KIAA1671: variants seen among roughly 807,000 people sequenced by gnomAD.
The protein encoded by KIAA1671 is uncharacterized protein KIAA1671.
KIAA1671 carries 52 observed loss-of-function variants against 131.2 expected under a neutral mutation model. The ratio of observed to expected loss-of-function variants is 0.40; its 90% CI spans 0.32 to 0.50. The LOEUF (loss-of-function observed/expected upper bound fraction) is 0.50. Ranked by LOEUF, KIAA1671 falls within the 20% of genes least tolerant of loss-of-function variation. The pLI, the probability that KIAA1671 is intolerant of heterozygous loss-of-function variation, is 0.73. For missense variants in KIAA1671, 2,360 were observed against 2,364.2 expected, an observed-to-expected ratio of 1.00 and a Z score of 0.04; for synonymous variants, 1,003 against 961.6, an observed-to-expected ratio of 1.04 and a Z score of -0.80.
intron 6 of KIAA1671, among the ~76,000 whole-genome samples, chr22:25,093,768 G>GTCTCTCTCTCTCTCTCTCTCTCTC (rs71191028): frequency 1.6e-5 from 1 of 60,708 alleles, no homozygotes; most frequent in Non-Finnish European, 2.9e-5. Context: ...CTCTCTCTCT[G>GTCTCTCTCTCTCTCTCTCTCTCTC]TCTCTCTCTC....
chr22:25,169,277 G>A (rs1933759453), intron 6 of KIAA1671, among the ~76,000 whole-genome samples: 1 of 151,918 alleles, frequency 6.6e-6, no homozygotes, highest in African/African-American at 2.4e-5. Context: ...TAAATAGCTG[G>A]GTGTGGTAGT....
intron 1 of KIAA1671, among the ~76,000 whole-genome samples, chr22:24,953,499 CT>C (rs1382088892): frequency 6.6e-6 from 1 of 152,052 alleles, no homozygotes; most frequent in African/African-American, 2.4e-5. Context: ...TGCGCCCCCC[CT>C]CCGCTCGTCT....
rs956201949 is a variant in KIAA1671, at chr22:25,193,979, G to C, written c.*1578G>C. On this transcript the variant is annotated 3_prime_UTR_variant, in exon 13 of 13. Transcript: ENST00000358431. ...GGGATTCATGCCTGCAACTGCTTCA[G>C]TCGAATTCTTTTTTAAAGATCCAGT... The C allele has an allele frequency of 6.6e-6, 1 of 152,178 alleles. No homozygotes were observed. Among genetic ancestry groups the C allele is most frequent in the African/African-American group, 2.4e-5 (1 of 41,436 alleles). 9.4% of individuals were successfully genotyped at this position (152,178 alleles called of 1,614,324 possible).
intron 11 of KIAA1671, among the ~76,000 whole-genome samples, chr22:25,189,225 C>T (rs1934587847): frequency 6.6e-6 from 1 of 150,458 alleles, no homozygotes; most frequent in Admixed American, 6.7e-5. Context: ...GCCATCTCCA[C>T]TCACTGCAAC....
chr22:25,072,554 G>A (rs1375485551), intron 6 of KIAA1671, among the ~76,000 whole-genome samples: 2 of 152,058 alleles, frequency 1.3e-5, no homozygotes, highest in South Asian at 2.1e-4. Context: ...TAACAAGACC[G>A]GGATCTTAGA....
At chr22:24,961,581 G>C (rs1234076287) in intron 1 of KIAA1671, among the ~76,000 whole-genome samples, 4 of 152,210 alleles carry the variant, frequency 2.6e-5, no homozygotes, top group African/African-American at 9.6e-5. Flanking sequence ...TCTTCATCCA[G>C]ATTCACAGGC....
At chr22:24,957,965 CTTTT>C (rs140702390) in intron 1 of KIAA1671, among the ~76,000 whole-genome samples, 3 of 114,466 alleles carry the variant, frequency 2.6e-5, no homozygotes, top group Non-Finnish European at 5.2e-5. Flanking sequence ...GGCACCCGGC[CTTTT>C]TTTTTTTTTT....
At chr22:25,095,881 C>A (rs1182131197) in intron 6 of KIAA1671, among the ~76,000 whole-genome samples, 1 of 152,190 alleles carries the variant, frequency 6.6e-6, no homozygotes, top group Non-Finnish European at 1.5e-5. Flanking sequence ...TCCTGTTCTT[C>A]TGTAGCCAAG....
At chr22:25,166,696 C>T (rs1423496648) in intron 6 of KIAA1671, among the ~76,000 whole-genome samples, 1 of 152,218 alleles carries the variant, frequency 6.6e-6, no homozygotes, top group Non-Finnish European at 1.5e-5. Flanking sequence ...TTAACACTTT[C>T]TGAAGATTAT....
chr22:24,974,173 C>T (rs1174685827), intron 1 of KIAA1671, among the ~76,000 whole-genome samples: 1 of 152,146 alleles, frequency 6.6e-6, no homozygotes, highest in Admixed American at 6.6e-5. Context: ...TGAGGCCTCT[C>T]AGCTGCGTGG....
chr22:25,162,632 GTGT>G (rs1164004662), intron 6 of KIAA1671, among the ~76,000 whole-genome samples: 1 of 152,190 alleles, frequency 6.6e-6, no homozygotes, highest in African/African-American at 2.4e-5. Flanking sequence ...TAGAGGTGAG[GTGT>G]TGTTCTAAGT....
intron 6 of KIAA1671, chr22:25,061,213 G>A (rs375591433): frequency 4.6e-5 from 7 of 152,218 alleles, no homozygotes; most frequent in South Asian, 2.1e-4. Flanking sequence ...TATAGAAACA[G>A]CATTTTTCTC....
chr22:25,131,377 C>G (rs1217759456), intron 6 of KIAA1671, among the ~76,000 whole-genome samples: 1 of 152,228 alleles, frequency 6.6e-6, no homozygotes, highest in Non-Finnish European at 1.5e-5. Flanking sequence ...CTTCAGCTCA[C>G]AGGTAGTGCC....
chr22:25,021,523 C>A (rs1297803872), intron 1 of KIAA1671, among the ~76,000 whole-genome samples: 1 of 137,384 alleles, frequency 7.3e-6, no homozygotes, highest in African/African-American at 2.8e-5. Context: ...TCCATGGGAA[C>A]AGGGTTTTCT....
intron 6 of KIAA1671, among the ~76,000 whole-genome samples, chr22:25,103,574 AG>A (rs747062059): frequency 5.3e-4 from 81 of 151,910 alleles, no homozygotes; most frequent in Non-Finnish European, 9.1e-4. Context: ...TAGCCAGGAT[AG>A]TCTCTATCTC....
At chr22:25,134,494 T>C (rs528013374) in intron 6 of KIAA1671, among the ~76,000 whole-genome samples, 1 of 152,364 alleles carries the variant, frequency 6.6e-6, no homozygotes, top group East Asian at 1.9e-4. Context: ...TTTGCATTTA[T>C]CAATTTGTCA....
At chr22:25,180,960 G>T (rs1428615755) in intron 9 of KIAA1671, among the ~76,000 whole-genome samples, 1 of 152,176 alleles carries the variant, frequency 6.6e-6, no homozygotes, top group Non-Finnish European at 1.5e-5. Flanking sequence ...CCATCAGCCT[G>T]GAGGAGCCGG....
At chr22:25,000,637 C>T (rs979781594) in intron 1 of KIAA1671, among the ~76,000 whole-genome samples, 6 of 151,986 alleles carry the variant, frequency 3.9e-5, no homozygotes, top group Non-Finnish European at 4.4e-5. Context: ...ATGCCTCAGC[C>T]TCCCAAGTAG....
intron 6 of KIAA1671, among the ~76,000 whole-genome samples, chr22:25,155,023 C>T (rs896485916): frequency 3.3e-5 from 5 of 152,232 alleles, no homozygotes; most frequent in Non-Finnish European, 5.9e-5. Context: ...AGGCCTTCTG[C>T]GCCCTCTCCC....
Sources: gnomAD v4.1 joint callset for allele counts (sites outside exome capture counted in the v4.1 genomes callset) on GRCh38, gnomAD v4.1.1 for gene constraint, MANE v1.5 for transcripts, NCBI Gene and HGNC (gene_info 2026-07-23, HGNC 2026-07-21) for gene names.